MEGF11: variants seen among roughly 807,000 people sequenced by gnomAD.
The protein encoded by MEGF11 is multiple epidermal growth factor-like domains protein 11.
In MEGF11, 126 loss-of-function variants were observed where a neutral mutation model predicts 146.6. The ratio of observed to expected loss-of-function variants is 0.86; its 90% CI spans 0.74 to 1.00. The LOEUF (loss-of-function observed/expected upper bound fraction) is 1.00, where lower values mean the gene tolerates loss of function less well. Ranked by LOEUF, MEGF11 falls within the 50% of genes least tolerant of loss-of-function variation. MEGF11 has a pLI of 0.00. For synonymous variants in MEGF11, 532 were observed against 583.4 expected, an observed-to-expected ratio of 0.91 and a Z score of 1.27; for missense variants, 1,509 against 1,521.2, an observed-to-expected ratio of 0.99 and a Z score of 0.13.
chr15:65,916,103 A>G (rs1408721475), intron 18 of MEGF11, 45 bp downstream of exon 18: 2 of 1,539,048 alleles, frequency 1.3e-6, no homozygotes, highest in South Asian at 1.2e-5. Flanking sequence ...GCAGGAGGGT[A>G]GGGCCCAGCA....
chr15:66,080,150 C>A (rs987311664), intron 5 of MEGF11, among the ~76,000 whole-genome samples: 6 of 152,164 alleles, frequency 3.9e-5, no homozygotes, highest in African/African-American at 1.4e-4. Context: ...CGGCCCACAG[C>A]CCCCCAGGAC....
intron 1 of MEGF11, among the ~76,000 whole-genome samples, chr15:66,142,543 T>G (rs147637074): frequency 0.013 from 1,916 of 152,236 alleles, 19 homozygotes; most frequent in Non-Finnish European, 0.019. Context: ...TCTCAGTGAG[T>G]AAGCGTGGGA....
chr15:66,166,227 G>A (rs1443460404), intron 1 of MEGF11, among the ~76,000 whole-genome samples: 1 of 152,080 alleles, frequency 6.6e-6, no homozygotes, highest in Admixed American at 6.5e-5. Context: ...TTGCCGCCAT[G>A]GGGAGCTCAC....
chr15:66,210,853 C>T lies in MEGF11; in HGVS notation c.-9+42752G>A, dbSNP rs111248002. Among the ~76,000 whole-genome samples, 997 of 152,304 alleles carry T rather than the reference C, an allele frequency of 6.5e-3. 9 individuals carry two copies. The highest frequency in any genetic ancestry group is 0.023 in the African/African-American group (942 of 41,550). ...CTAGGTAATTCCCAGCAATGAATATCGCCAGGGCCACTGGTTCCAGGAAGA... is the reference window on the plus strand; with the variant it reads ...CTAGGTAATTCCCAGCAATGAATATTGCCAGGGCCACTGGTTCCAGGAAGA... On this transcript the variant is annotated intron_variant, in intron 1 of 25. Coordinates refer to ENST00000395614, the MANE Select transcript of MEGF11 (RefSeq NM_001385028.1).
At chr15:66,043,843 G>A (rs1049756672) in intron 5 of MEGF11, among the ~76,000 whole-genome samples, 86 of 152,248 alleles carry the variant, frequency 5.6e-4, no homozygotes, top group Non-Finnish European at 2.2e-4. Flanking sequence ...AGAAGTAAGC[G>A]ACCACATAAA....
chr15:66,179,330 A>G (rs35894123), intron 1 of MEGF11, among the ~76,000 whole-genome samples: 14,890 of 152,138 alleles, frequency 0.098, 1,019 homozygotes, highest in African/African-American at 0.19. Context: ...ATGGGGTTTC[A>G]CCATGTTGGC....
chr15:66,139,781 C>T (rs2089060838), intron 1 of MEGF11, among the ~76,000 whole-genome samples: 1 of 152,110 alleles, frequency 6.6e-6, no homozygotes, highest in African/African-American at 2.4e-5. Context: ...AACATGTCAG[C>T]GTAGTTTCTT....
intron 5 of MEGF11, among the ~76,000 whole-genome samples, chr15:66,069,574 G>A (rs186269376): frequency 5.3e-5 from 8 of 152,314 alleles, no homozygotes; most frequent in Non-Finnish European, 1.2e-4. Context: ...CCATGGTGAT[G>A]CTGGGATAGG....
rs2079194720 is a variant in MEGF11 at position 65,922,258 on chromosome 15, C to T, written c.1957+80G>A. The T allele has an allele frequency of 3.3e-6, 5 of 1,531,248 alleles. No individual in the cohort carries two copies. The South Asian group carries it at 4.9e-5, about 15-fold the overall frequency. The allele number at this position is 1,531,248 out of a possible 1,614,324, so 94.9% of individuals were successfully genotyped here. ...ACCTCCATAGCGTATGATGAAAATC[C>T]CCAAGCCCTTCCTTCCCTGCCACTT... On this transcript the variant is annotated intron_variant, in intron 15 of 25. Coordinates refer to ENST00000395614, the MANE Select transcript of MEGF11 (RefSeq NM_001385028.1).
At chr15:65,976,744 T>G (rs2081461368) in intron 7 of MEGF11, among the ~76,000 whole-genome samples, 1 of 152,250 alleles carries the variant, frequency 6.6e-6, no homozygotes, top group Non-Finnish European at 1.5e-5. Flanking sequence ...AGTGGGATCT[T>G]GGACTGCTGT....
chr15:66,108,030 A>G (rs1671648843), intron 4 of MEGF11, among the ~76,000 whole-genome samples: 1 of 152,206 alleles, frequency 6.6e-6, no homozygotes, highest in African/African-American at 2.4e-5. Flanking sequence ...GTTTTCAAGG[A>G]CCAGTATGCA....
chr15:66,140,337 C>A (rs1304758726), intron 1 of MEGF11, among the ~76,000 whole-genome samples: 1 of 152,194 alleles, frequency 6.6e-6, no homozygotes, highest in Non-Finnish European at 1.5e-5. Context: ...TTTCTGCATA[C>A]CTTCCAACTC....
chr15:66,090,293 G>A (rs940944745), intron 5 of MEGF11, among the ~76,000 whole-genome samples: 4 of 152,144 alleles, frequency 2.6e-5, no homozygotes, highest in Non-Finnish European at 5.9e-5. Flanking sequence ...CCACTTCCAG[G>A]AATTTATCCT....
chr15:65,977,271 A>G (rs981951938), intron 7 of MEGF11, among the ~76,000 whole-genome samples: 3 of 151,892 alleles, frequency 2.0e-5, no homozygotes, highest in African/African-American at 7.3e-5. Flanking sequence ...GAGGCAACTC[A>G]GCCTCATCAA....
intron 19 of MEGF11, among the ~76,000 whole-genome samples, chr15:65,914,360 A>G (rs950600719): frequency 3.3e-5 from 5 of 152,184 alleles, no homozygotes; most frequent in African/African-American, 7.2e-5. Context: ...CATAACCTAT[A>G]ATTGGCGGAG....
At chr15:65,916,317 G>A in intron 17 of MEGF11, 41 bp from the exon 18 acceptor site, 5 of 1,537,918 alleles carry the variant, frequency 3.3e-6, no homozygotes, top group Non-Finnish European at 4.4e-6. Flanking sequence ...TTGCTGCTGG[G>A]TGGGGACAAG....
intron 5 of MEGF11, among the ~76,000 whole-genome samples, chr15:66,018,031 G>C (rs2082955512): frequency 6.6e-6 from 1 of 152,240 alleles, no homozygotes; most frequent in South Asian, 2.1e-4. Context: ...GTCAAGTGGT[G>C]AATGTGAGAG....
At chr15:66,069,179 A>G (rs531449002) in intron 5 of MEGF11, among the ~76,000 whole-genome samples, 1 of 145,810 alleles carries the variant, frequency 6.9e-6, no homozygotes, top group African/African-American at 2.5e-5. Context: ...GTACTTAGAG[A>G]CCACAAGGGC....
At chr15:66,125,673 C>T (rs1191998438) in intron 2 of MEGF11, among the ~76,000 whole-genome samples, 2 of 152,220 alleles carry the variant, frequency 1.3e-5, no homozygotes, top group Non-Finnish European at 2.9e-5. Flanking sequence ...ATACACGTAA[C>T]ATGCTTAAAC....
Sources: allele counts gnomAD v4.1 joint callset (sites outside exome capture counted in the v4.1 genomes callset), GRCh38; gene constraint gnomAD v4.1.1; transcripts MANE v1.5; gene names NCBI Gene and HGNC (gene_info 2026-07-23, HGNC 2026-07-21).